Variants in GNAI1 observed in about 807,000 individuals in gnomAD.
GNAI1 encodes guanine nucleotide-binding protein G(i) subunit alpha-1.
A neutral mutation model predicts 38.9 loss-of-function variants in GNAI1; 11 were observed. The ratio of observed to expected loss-of-function variants is 0.28; its 90% confidence interval spans 0.18 to 0.47. The LOEUF (loss-of-function observed/expected upper bound fraction) is 0.47. Ranked by LOEUF, GNAI1 falls within the 20% of genes least tolerant of loss-of-function variation. The pLI, the probability that GNAI1 is intolerant of heterozygous loss-of-function variation, is 0.99. For missense variants in GNAI1, 317 were observed against 436.9 expected (o/e 0.73, Z 2.45); for synonymous variants, 166 against 145.1 (o/e 1.14, Z -1.04).
In GNAI1 at chr7:80,222,417, C is replaced by A. The variant is rs942676322; in HGVS notation, c.*4924C>A. Among the ~76,000 whole-genome samples the A allele has an allele frequency of 8.3e-6, 1 of 121,128 alleles. No individual in the cohort carries two copies. The highest frequency in any genetic ancestry group is 1.7e-5 in the Non-Finnish European group (1 of 59,562). The allele number at this position is 121,128 out of a possible 152,430, so 79.5% of individuals were successfully genotyped here. On this transcript the variant is annotated 3_prime_UTR_variant, in exon 8 of 8. Coordinates refer to ENST00000649796, the MANE Select transcript of GNAI1 (RefSeq NM_002069.6). ...TTTTTTTTTTCCTGAGACAGAGTTTCGTTCTTGTTTCCCAGGCTGGAGCGC... is the reference window on the plus strand; with the variant it reads ...TTTTTTTTTTCCTGAGACAGAGTTTAGTTCTTGTTTCCCAGGCTGGAGCGC...
chr7:80,182,198 A>G (rs972377645), intron 1 of GNAI1, among the ~76,000 whole-genome samples: 3 of 152,174 alleles, frequency 2.0e-5, no homozygotes, highest in African/African-American at 7.2e-5. Flanking sequence ...TTTAAGGCTG[A>G]ATAATATTTC....
rs1789028471 is a variant in GNAI1 at position 80,219,126 on chromosome 7, C to A, written c.*1633C>A. On this transcript the variant is annotated 3_prime_UTR_variant, in exon 8 of 8. Coordinates refer to ENST00000649796, the MANE Select transcript of GNAI1 (RefSeq NM_002069.6). The stretch of plus-strand genomic sequence containing the variant: ...TTCTTCTTTGTAATGTAAAGAAATT[C>A]AAAGTTATCAAAGTTCCTTAAATGT... 1.3e-5 allele frequency: 2 copies of A among 151,358 alleles called. No individual in the cohort carries two copies. The highest frequency in any genetic ancestry group is 1.3e-4 in the Admixed American group (2 of 15,080). 9.4% of individuals were successfully genotyped at this position (151,358 alleles called of 1,614,324 possible). A position where few individuals can be genotyped will look rare whatever the true frequency, so the allele number is the denominator to read the frequency against.
chr7:80,151,561 C>T (rs77202318), intron 1 of GNAI1, among the ~76,000 whole-genome samples: 1 of 152,170 alleles, frequency 6.6e-6, no homozygotes, highest in South Asian at 2.1e-4. Flanking sequence ...CCTTCTCTTT[C>T]TCTAATTGCA....
intron 1 of GNAI1, among the ~76,000 whole-genome samples, chr7:80,146,155 C>T (rs1787617692): frequency 6.6e-6 from 1 of 152,114 alleles, no homozygotes; most frequent in Admixed American, 6.6e-5. Flanking sequence ...TCTTCATCTT[C>T]TCTGACATAC....
intron 1 of GNAI1, among the ~76,000 whole-genome samples, chr7:80,186,280 C>G (rs1788385882): frequency 6.6e-6 from 1 of 152,098 alleles, no homozygotes; most frequent in Non-Finnish European, 1.5e-5. Flanking sequence ...ATCTGCCCGC[C>G]TCAGCCTCCC....
chr7:80,214,467 A>G lies in GNAI1; in HGVS notation c.874+1598A>G, dbSNP rs976967815. 2.6e-5 allele frequency among the ~76,000 whole-genome samples: 4 copies of G among 152,230 alleles called. No individual in the cohort carries two copies. In the East Asian group the frequency reaches 7.7e-4, roughly 29 times the overall value. ...ACCTACGGGGATTTTAGAGCAACTAAGAATATACTTGTTAGCTCTTTCCTT... is the reference window on the plus strand; with the variant it reads ...ACCTACGGGGATTTTAGAGCAACTAGGAATATACTTGTTAGCTCTTTCCTT... On this transcript the variant is annotated intron_variant, in intron 7 of 7. Coordinates refer to ENST00000649796, the MANE Select transcript of GNAI1 (RefSeq NM_002069.6).
chr7:80,207,541 T>TTC (rs1788796987), intron 5 of GNAI1, among the ~76,000 whole-genome samples: 2 of 152,094 alleles, frequency 1.3e-5, no homozygotes, highest in Non-Finnish European at 2.9e-5. Flanking sequence ...CAGATAAACT[T>TTC]TGTCTTATTT....
chr7:80,148,100 G>A (rs1787659830), intron 1 of GNAI1, among the ~76,000 whole-genome samples: 1 of 152,132 alleles, frequency 6.6e-6, no homozygotes, highest in Non-Finnish European at 1.5e-5. Context: ...ATAGGCCTTT[G>A]TAGTAAATCA....
In GNAI1 at chr7:80,222,305, A is replaced by G. The variant is rs1172245619; in HGVS notation, c.*4812A>G. 6.6e-6 allele frequency among the ~76,000 whole-genome samples: 1 copy of G among 151,656 alleles called. No homozygotes were observed. Among genetic ancestry groups the G allele is most frequent in the Non-Finnish European group, 1.5e-5 (1 of 67,966 alleles). On this transcript the variant is annotated 3_prime_UTR_variant, in exon 8 of 8. Coordinates refer to ENST00000649796, the MANE Select transcript of GNAI1 (RefSeq NM_002069.6). ...AAATATTTCCAGCTTCTTTGATTTTACTGCCCGTCTTCCTAGGTCTCCATC... is the reference window on the plus strand; with the variant it reads ...AAATATTTCCAGCTTCTTTGATTTTGCTGCCCGTCTTCCTAGGTCTCCATC...
intron 1 of GNAI1, among the ~76,000 whole-genome samples, chr7:80,152,944 A>C (rs533229283): frequency 6.7e-6 from 1 of 148,286 alleles, no homozygotes; most frequent in Non-Finnish European, 1.5e-5. Context: ...GAAATTTATT[A>C]AAAAAAAAAC....
chr7:80,155,968 C>G (rs1787810591), intron 1 of GNAI1, among the ~76,000 whole-genome samples: 1 of 144,832 alleles, frequency 6.9e-6, no homozygotes, highest in African/African-American at 2.6e-5. Context: ...AGAAGAATCA[C>G]TTGAACCCAG....
rs1173469591 is a variant in GNAI1 at position 80,220,952 on chromosome 7, G to T, written c.*3459G>T. 6.6e-6 allele frequency among the ~76,000 whole-genome samples: 1 copy of T among 152,104 alleles called. No homozygotes were observed. Among genetic ancestry groups the T allele is most frequent in the African/African-American group, 2.4e-5 (1 of 41,410 alleles). On this transcript the variant is annotated 3_prime_UTR_variant, in exon 8 of 8. Coordinates refer to ENST00000649796, the MANE Select transcript of GNAI1 (RefSeq NM_002069.6). ...AGATACTTATTAATGTCTTTCATCA[G>T]AGCTATTTTTTACTCCTTAGATGTG...
At position 80,221,628 on chromosome 7, in the gene GNAI1, G is replaced by A. The variant is rs929548645; in HGVS notation, c.*4135G>A. 3.6e-5 allele frequency among the ~76,000 whole-genome samples: 5 copies of A among 137,762 alleles called. No homozygotes were observed. The highest frequency in any genetic ancestry group is 7.7e-5 in the Non-Finnish European group (5 of 65,100). 90.4% of individuals were successfully genotyped at this position (137,762 alleles called of 152,430 possible). A position where few individuals can be genotyped will look rare whatever the true frequency, so the allele number is the denominator to read the frequency against. On this transcript the variant is annotated 3_prime_UTR_variant, in exon 8 of 8. Transcript: ENST00000649796. ...GAGTTTATATTTTAATGTTAGGTTG[G>A]AAATTTTCTTTTTTTTTTTTTTTTT...
chr7:80,152,166 A>G (rs1346906991), intron 1 of GNAI1, among the ~76,000 whole-genome samples: 1 of 152,188 alleles, frequency 6.6e-6, no homozygotes, highest in Non-Finnish European at 1.5e-5. Flanking sequence ...ACATACTGCT[A>G]GTACGTGGCC....
rs980800155 is a variant in GNAI1 at position 80,223,167 on chromosome 7, G to A, written c.*5674G>A. ...GACCATCATACGTTGGGGACCATCT[G>A]TACATAGAGTAGGACTCTTGAGAGC... On this transcript the variant is annotated 3_prime_UTR_variant, in exon 8 of 8. Transcript: ENST00000649796. Among the ~76,000 whole-genome samples the A allele has an allele frequency of 6.6e-6, 1 of 152,194 alleles. No homozygotes were observed.
chr7:80,195,578 A>G (rs994963810), intron 3 of GNAI1, among the ~76,000 whole-genome samples: 10 of 152,170 alleles, frequency 6.6e-5, no homozygotes, highest in African/African-American at 2.2e-4. Flanking sequence ...AAACAGAACC[A>G]ATGACAAAAA....
chr7:80,171,114 C>T (rs980362363), intron 1 of GNAI1, among the ~76,000 whole-genome samples: 4 of 152,176 alleles, frequency 2.6e-5, no homozygotes, highest in African/African-American at 4.8e-5. Context: ...CAAATAGTTC[C>T]TTCTCTTACA....
chr7:80,171,394 C>T (rs952744272), intron 1 of GNAI1, among the ~76,000 whole-genome samples: 59 of 152,216 alleles, frequency 3.9e-4, no homozygotes, highest in African/African-American at 1.3e-3. Context: ...CATTGTTAGA[C>T]TCACTCTTGT....
chr7:80,135,401 G>A (rs1787391850), intron 1 of GNAI1, 123 bp downstream of exon 1: 1 of 532,926 alleles, frequency 1.9e-6, no homozygotes, highest in Admixed American at 4.3e-5. Context: ...TTCTGAGCGG[G>A]AGCTGGGTCC....
Sources: allele counts gnomAD v4.1 joint callset (sites outside exome capture counted in the v4.1 genomes callset), GRCh38; gene constraint gnomAD v4.1.1; transcripts MANE v1.5; gene names NCBI Gene and HGNC (gene_info 2026-07-23, HGNC 2026-07-21).